Variants in PACRG observed in about 807,000 individuals in gnomAD.
PACRG encodes parkin coregulated gene protein.
PACRG carries 29 observed loss-of-function variants against 29.7 expected under a neutral mutation model. That is an observed-to-expected ratio of 0.98 (90% CI 0.73 to 1.33). The LOEUF (loss-of-function observed/expected upper bound fraction) is 1.33. Among genes scored for constraint, PACRG ranks in the 40% most tolerant of loss-of-function variants. PACRG has a pLI of 0.00. For synonymous variants in PACRG, 116 were observed against 118.7 expected (o/e 0.98, Z 0.15); for missense variants, 279 against 316.2 (o/e 0.88, Z 0.89).
At chr6:162,899,433 C>T (rs1944110502) in intron 2 of PACRG, among the ~76,000 whole-genome samples, 1 of 152,108 alleles carries the variant, frequency 6.6e-6, no homozygotes, top group South Asian at 2.1e-4. Flanking sequence ...TCGGCACCAC[C>T]TAGGAGCTGT....
chr6:163,066,758 AT>A (rs1811581383), intron 3 of PACRG, among the ~76,000 whole-genome samples: 1 of 152,222 alleles, frequency 6.6e-6, no homozygotes, highest in Admixed American at 6.5e-5. Flanking sequence ...AAAAAACAAA[AT>A]CTGTATGTAA....
At chr6:162,767,565 C>T (rs1163977027) in intron 1 of PACRG, among the ~76,000 whole-genome samples, 3 of 150,798 alleles carry the variant, frequency 2.0e-5, no homozygotes, top group African/African-American at 7.3e-5. Flanking sequence ...TGGTGGCTGT[C>T]TTAAAAATAG....
intron 1 of PACRG, among the ~76,000 whole-genome samples, chr6:162,802,101 T>G (rs762276065): frequency 6.6e-6 from 1 of 152,148 alleles, no homozygotes; most frequent in Non-Finnish European, 1.5e-5. Flanking sequence ...TATATATTTT[T>G]TGTGACATTT....
At chr6:162,972,226 T>C (rs1801593772) in intron 2 of PACRG, among the ~76,000 whole-genome samples, 1 of 152,206 alleles carries the variant, frequency 6.6e-6, no homozygotes, top group Non-Finnish European at 1.5e-5. Flanking sequence ...TTTTCCACCC[T>C]GCAGTGATTC....
Position 162,981,305 on chromosome 6 carries a change from A to ATATATATATTTTTTTTT in PACRG, c.292-80844_292-80843insATATATATTTTTTTTTT, listed in dbSNP as rs925663285. Among the ~76,000 whole-genome samples the ATATATATATTTTTTTTT allele has an allele frequency of 7.4e-3, 1,107 of 149,120 alleles. 6 individuals carry two copies. Among genetic ancestry groups the ATATATATATTTTTTTTT allele is most frequent in the African/African-American group, 0.026 (1,064 of 40,318 alleles). ...ATGTATAAAACATATATATATATAT[A>ATATATATATTTTTTTTT]TTTACAATGGCAAAAATATAGAACC... is the stretch of plus-strand genomic sequence containing the variant. On this transcript the variant is annotated intron_variant, in intron 2 of 4. Transcript: ENST00000366888.
intron 2 of PACRG, among the ~76,000 whole-genome samples, chr6:162,912,721 G>A (rs1400470447): frequency 6.6e-6 from 1 of 151,726 alleles, no homozygotes; most frequent in Non-Finnish European, 1.5e-5. Context: ...ACAGGCACGT[G>A]CCACCACATT....
At chr6:162,858,200 T>C (rs1206890216) in intron 2 of PACRG, among the ~76,000 whole-genome samples, 1 of 152,142 alleles carries the variant, frequency 6.6e-6, no homozygotes, top group Non-Finnish European at 1.5e-5. Context: ...TACTCACAGT[T>C]CCACATGGCG....
intron 2 of PACRG, among the ~76,000 whole-genome samples, chr6:162,941,932 A>G (rs1798659776): frequency 1.3e-5 from 2 of 152,108 alleles, no homozygotes; most frequent in Non-Finnish European, 1.5e-5. Flanking sequence ...AGCTGTAAAA[A>G]TTCCTCCCTT....
chr6:163,267,274 C>A (rs947268628), intron 4 of PACRG, among the ~76,000 whole-genome samples: 1 of 152,184 alleles, frequency 6.6e-6, no homozygotes, highest in African/African-American at 2.4e-5. Flanking sequence ...AGTGACGAGT[C>A]CCCGCCTCTT....
At chr6:163,286,757 C>G (rs577427407) in intron 4 of PACRG, among the ~76,000 whole-genome samples, 12 of 152,250 alleles carry the variant, frequency 7.9e-5, no homozygotes, top group African/African-American at 2.9e-4. Context: ...GAAAACTTTC[C>G]GCAACAGGTC....
intron 4 of PACRG, among the ~76,000 whole-genome samples, chr6:163,233,104 C>T (rs571784304): frequency 1.3e-5 from 2 of 152,370 alleles, no homozygotes; most frequent in South Asian, 2.1e-4. Context: ...AGAACACGCT[C>T]AGCAGGAATT....
intron 4 of PACRG, among the ~76,000 whole-genome samples, chr6:163,175,406 G>T (rs1779296148): frequency 6.6e-6 from 1 of 152,000 alleles, no homozygotes; most frequent in Non-Finnish European, 1.5e-5. Context: ...TTTGGGGTTG[G>T]CTTGCGGGGG....
At chr6:163,119,628 A>G (rs769844266) in intron 4 of PACRG, among the ~76,000 whole-genome samples, 3 of 152,234 alleles carry the variant, frequency 2.0e-5, no homozygotes, top group Non-Finnish European at 2.9e-5. Context: ...CTGACCAGAT[A>G]TAGACAGGAG....
chr6:162,758,877 C>A (rs1312143186), intron 1 of PACRG, among the ~76,000 whole-genome samples: 1 of 152,050 alleles, frequency 6.6e-6, no homozygotes, highest in Non-Finnish European at 1.5e-5. Context: ...GTATACATTT[C>A]TGAAGTCTTG....
At chr6:162,774,778 T>C (rs1279405091) in intron 1 of PACRG, among the ~76,000 whole-genome samples, 2 of 152,210 alleles carry the variant, frequency 1.3e-5, no homozygotes, top group Admixed American at 1.3e-4. Flanking sequence ...TAATCACTCT[T>C]CTACTACTGA....
At chr6:163,226,535 C>T (rs1052639893) in intron 4 of PACRG, among the ~76,000 whole-genome samples, 2 of 152,144 alleles carry the variant, frequency 1.3e-5, no homozygotes, top group South Asian at 4.1e-4. Flanking sequence ...GAGGAAGAAA[C>T]GGCTGGGCAG....
chr6:162,742,478 T>C (rs761661672), intron 1 of PACRG, among the ~76,000 whole-genome samples: 5 of 152,184 alleles, frequency 3.3e-5, no homozygotes, highest in Non-Finnish European at 7.4e-5. Context: ...TTATTACCAA[T>C]AGGAGAATGG....
chr6:163,249,182 G>C (rs938875538), intron 4 of PACRG, among the ~76,000 whole-genome samples: 2 of 152,176 alleles, frequency 1.3e-5, no homozygotes, highest in Admixed American at 1.3e-4. Flanking sequence ...CTGAAACAAG[G>C]ATGCACGCAA....
At chr6:162,809,192 C>T (rs1786620687) in intron 1 of PACRG, among the ~76,000 whole-genome samples, 1 of 152,082 alleles carries the variant, frequency 6.6e-6, no homozygotes, top group South Asian at 2.1e-4. Flanking sequence ...TTCAGTGCCA[C>T]TGATGCACCG....
Sources: gnomAD v4.1 joint callset for allele counts (sites outside exome capture counted in the v4.1 genomes callset) on GRCh38, gnomAD v4.1.1 for gene constraint, MANE v1.5 for transcripts, NCBI Gene and HGNC (gene_info 2026-07-23, HGNC 2026-07-21) for gene names.